TMEM114: variants seen among roughly 807,000 people sequenced by gnomAD.
TMEM114 encodes the protein claudin-26.
TMEM114 carries 6 observed loss-of-function variants against 6.2 expected under a neutral mutation model. That is an observed-to-expected ratio of 0.97 (90% CI 0.53 to 1.91). TMEM114 has a LOEUF of 1.91. Among genes scored for constraint, TMEM114 ranks in the 40% most tolerant of loss-of-function variants. The pLI is 0.01. For missense variants in TMEM114, 218 were observed against 158.3 expected, an observed-to-expected ratio of 1.38 and a Z score of -2.02; for synonymous variants, 104 against 73.0, an observed-to-expected ratio of 1.42 and a Z score of -2.16.
intron 2 of TMEM114, among the ~76,000 whole-genome samples, chr16:8,572,716 G>A (rs1901776902): frequency 6.6e-6 from 1 of 152,344 alleles, no homozygotes; most frequent in South Asian, 2.1e-4. Context: ...CATTACAGGT[G>A]TGAGCCACTG....
At chr16:8,564,546 TCAGG>T (rs1901452531), downstream of TMEM114, among the ~76,000 whole-genome samples, 1 of 98,726 alleles carries the variant, frequency 1.0e-5, no homozygotes. Context: ...AGTGAATGAG[TCAGG>T]GAATGAGTGA....
the TMEM114 span, among the ~76,000 whole-genome samples, chr16:8,531,053 G>T: frequency 6.6e-6 from 1 of 152,108 alleles, no homozygotes; most frequent in South Asian, 2.1e-4. Context: ...AGAAGGAAGG[G>T]AGGGAGGGAG....
intron 2 of TMEM114, among the ~76,000 whole-genome samples, chr16:8,553,838 T>C (rs1900921702): frequency 6.6e-6 from 1 of 151,916 alleles, no homozygotes; most frequent in South Asian, 2.1e-4. Context: ...TAGCTGGAAT[T>C]ACAGGCTCAC....
the TMEM114 span, among the ~76,000 whole-genome samples, chr16:8,528,069 C>G: frequency 4.6e-5 from 7 of 152,132 alleles, no homozygotes; most frequent in Admixed American, 1.3e-4. Flanking sequence ...CCACCATGCC[C>G]GGCTAAGTTT....
chr16:8,539,356 A>G (rs991240834), intron 2 of TMEM114, among the ~76,000 whole-genome samples: 3 of 151,990 alleles, frequency 2.0e-5, no homozygotes, highest in African/African-American at 7.3e-5. Context: ...CAGAATCCCA[A>G]CCCAAGACCC....
intron 2 of TMEM114, among the ~76,000 whole-genome samples, chr16:8,552,083 C>T (rs3922384): frequency 0.027 from 4,140 of 151,950 alleles, 190 homozygotes; most frequent in African/African-American, 0.095. Context: ...GAAACAAGGA[C>T]TATAAGGGGG....
chr16:8,529,820 T>C, the TMEM114 span, among the ~76,000 whole-genome samples: 1 of 152,034 alleles, frequency 6.6e-6, no homozygotes, highest in Non-Finnish European at 1.5e-5. Context: ...TGTGGAGAGT[T>C]TTCACATCTC....
chr16:8,568,776 G>C (rs967755498), downstream of TMEM114, among the ~76,000 whole-genome samples: 1 of 152,216 alleles, frequency 6.6e-6, no homozygotes, highest in Non-Finnish European at 1.5e-5. Context: ...AGAATAGGCT[G>C]GAGAGCTCTT....
chr16:8,583,684 G>A (rs571855643), intron 2 of TMEM114, among the ~76,000 whole-genome samples: 2 of 152,082 alleles, frequency 1.3e-5, no homozygotes, highest in Admixed American at 6.5e-5. Context: ...GGAGTTCGAG[G>A]CTGCAGTGAG....
At chr16:8,528,899 G>C in the TMEM114 span, among the ~76,000 whole-genome samples, 1 of 152,134 alleles carries the variant, frequency 6.6e-6, no homozygotes, top group Non-Finnish European at 1.5e-5. Context: ...TTTGCCTCTG[G>C]TCATTTGAGT....
At chr16:8,561,658 T>C (rs1351080083) in intron 2 of TMEM114, among the ~76,000 whole-genome samples, 1 of 152,154 alleles carries the variant, frequency 6.6e-6, no homozygotes, top group African/African-American at 2.4e-5. Flanking sequence ...AGTGAATAAG[T>C]GAATGAATGA....
intron 2 of TMEM114, among the ~76,000 whole-genome samples, chr16:8,540,946 G>A (rs956382235): frequency 2.0e-5 from 3 of 152,176 alleles, no homozygotes; most frequent in Non-Finnish European, 4.4e-5. Flanking sequence ...AGCAGCAGGT[G>A]CAAAGTCCCT....
At chr16:8,557,212 A>T (rs976818353) in intron 2 of TMEM114, among the ~76,000 whole-genome samples, 4 of 152,144 alleles carry the variant, frequency 2.6e-5, no homozygotes, top group Non-Finnish European at 4.4e-5. Context: ...TAACTGTGGC[A>T]GAAGGGATGC....
At chr16:8,566,963 C>T (rs1051099588), downstream of TMEM114, among the ~76,000 whole-genome samples, 10 of 133,200 alleles carry the variant, frequency 7.5e-5, no homozygotes, top group Admixed American at 2.6e-4. Context: ...CGCAATGGTG[C>T]GATCTCGGCT....
rs1322621022 is a variant in TMEM114 at position 8,555,159 on chromosome 16, TCACA to T, written n.213-17337_213-17334del. Among the ~76,000 whole-genome samples, 8 of 152,342 alleles carry T rather than the reference TCACA, an allele frequency of 5.3e-5. No individual in the cohort carries two copies. The East Asian group carries it at 1.4e-3, about 26-fold the overall frequency. On this transcript the variant is annotated intron_variant and non_coding_transcript_variant, in intron 2 of 2. Coordinates refer to the TMEM114 transcript ENST00000623677. ...GCACATTTCCTGAGCTCTTCTCTCT[TCACA>T]TGTGATGCTGACTTTCTGAGCACCT...
intron 2 of TMEM114, among the ~76,000 whole-genome samples, chr16:8,562,645 TGAATGAATGAGTCAATGAATTAGTGAGG>T (rs1901297271): frequency 1.3e-5 from 2 of 151,004 alleles, no homozygotes; most frequent in African/African-American, 4.9e-5. Context: ...AGTCAGTAAG[TGAATGAATGAGTCAATGAATTAGTGAGG>T]GAATGAGTGA....
chr16:8,529,181 G>C, the TMEM114 span, among the ~76,000 whole-genome samples: 1 of 152,196 alleles, frequency 6.6e-6, no homozygotes, highest in Non-Finnish European at 1.5e-5. Flanking sequence ...TATGGGAAGA[G>C]AAGGACAGCT....
intron 2 of TMEM114, among the ~76,000 whole-genome samples, chr16:8,558,089 A>G (rs12926643): frequency 6.6e-6 from 1 of 152,080 alleles, no homozygotes; most frequent in Non-Finnish European, 1.5e-5. Flanking sequence ...CCCCATCTCT[A>G]CTAAAAATAC....
At chr16:8,549,856 G>C (rs931283663) in intron 2 of TMEM114, among the ~76,000 whole-genome samples, 11 of 152,136 alleles carry the variant, frequency 7.2e-5, no homozygotes, top group Admixed American at 2.0e-4. Context: ...TTATTCAGGA[G>C]AATTGGCTCA....
Sources: gnomAD v4.1 joint callset for allele counts (sites outside exome capture counted in the v4.1 genomes callset) on GRCh38, gnomAD v4.1.1 for gene constraint, MANE v1.5 for transcripts, NCBI Gene and HGNC (gene_info 2026-07-23, HGNC 2026-07-21) for gene names.